TEAD1: variants seen among roughly 807,000 people sequenced by gnomAD.
The protein encoded by TEAD1 is TEA domain transcription factor 1, also known as transcriptional enhancer factor TEF-1.
A neutral mutation model predicts 54.9 loss-of-function variants in TEAD1; 9 were observed. The observed-to-expected ratio is 0.16, with a 90% CI of 0.10 to 0.29. The LOEUF (loss-of-function observed/expected upper bound fraction) is 0.29. Ranked by LOEUF, TEAD1 falls within the 10% of genes least tolerant of loss-of-function variation. TEAD1 has a pLI of 1.00. For missense variants in TEAD1, 387 were observed against 535.9 expected, an observed-to-expected ratio of 0.72 and a Z score of 2.74; for synonymous variants, 200 against 187.8, an observed-to-expected ratio of 1.07 and a Z score of -0.53.
At chr11:12,755,614 C>T (rs1031076332) in intron 2 of TEAD1, among the ~76,000 whole-genome samples, 39 of 152,240 alleles carry the variant, frequency 2.6e-4, no homozygotes, top group African/African-American at 8.4e-4. Flanking sequence ...ACAGTTGGGA[C>T]GTTTGCTCTC....
intron 3 of TEAD1, among the ~76,000 whole-genome samples, chr11:12,821,441 G>A (rs143665866): frequency 2.0e-5 from 3 of 152,266 alleles, no homozygotes; most frequent in African/African-American, 7.2e-5. Flanking sequence ...AAGCACTGTG[G>A]GGGAATATTT....
intron 2 of TEAD1, among the ~76,000 whole-genome samples, chr11:12,753,517 T>C (rs1944920688): frequency 6.6e-6 from 1 of 152,228 alleles, no homozygotes; most frequent in African/African-American, 2.4e-5. Flanking sequence ...TAACTAGGCA[T>C]GTTGAACACC....
At position 12,938,268 on chromosome 11, in the gene TEAD1, A is replaced by G. The variant is rs1949128300; in HGVS notation, c.*1046A>G. 1 of 152,628 alleles carries G rather than the reference A, an allele frequency of 6.6e-6. No individual in the cohort carries two copies. The highest frequency in any genetic ancestry group is 1.5e-5 in the Non-Finnish European group (1 of 68,038). 9.5% of individuals were successfully genotyped at this position (152,628 alleles called of 1,614,324 possible). A position where few individuals can be genotyped will look rare whatever the true frequency, so the allele number is the denominator to read the frequency against. On this transcript the variant is annotated 3_prime_UTR_variant, in exon 13 of 13. Transcript: ENST00000527636. Reference sequence around the variant, plus strand: ...TATACAGAATCTGTGGCTGGGAGAAAATTTCATCAAATAGACAAGTAAAAG... The same window carrying G: ...TATACAGAATCTGTGGCTGGGAGAAGATTTCATCAAATAGACAAGTAAAAG...
At chr11:12,888,374 T>G (rs1401117753) in intron 9 of TEAD1, among the ~76,000 whole-genome samples, 1 of 152,168 alleles carries the variant, frequency 6.6e-6, no homozygotes, top group African/African-American at 2.4e-5. Context: ...CTGGGCATGG[T>G]GGAGGGTACC....
intron 3 of TEAD1, among the ~76,000 whole-genome samples, chr11:12,845,126 G>T (rs1195564855): frequency 6.6e-6 from 1 of 151,670 alleles, no homozygotes; most frequent in Non-Finnish European, 1.5e-5. Context: ...TACCATGCCC[G>T]GCTAATTTTT....
chr11:12,743,301 T>A (rs1944682997), intron 2 of TEAD1, among the ~76,000 whole-genome samples: 1 of 152,184 alleles, frequency 6.6e-6, no homozygotes, highest in African/African-American at 2.4e-5. Context: ...TTATTAATAT[T>A]ACAGGTAAAC....
chr11:12,764,587 ACT>A, intron 3 of TEAD1, 153 bp downstream of exon 3: 1 of 900,468 alleles, frequency 1.1e-6, no homozygotes, highest in Non-Finnish European at 1.7e-6. Flanking sequence ...CTCACCCTAA[ACT>A]AAAAAGGAGA....
At chr11:12,808,027 A>G (rs1206839031) in intron 3 of TEAD1, among the ~76,000 whole-genome samples, 3 of 152,258 alleles carry the variant, frequency 2.0e-5, no homozygotes, top group Admixed American at 2.0e-4. Flanking sequence ...AAGAGGATGA[A>G]GGAAAAATGA....
intron 3 of TEAD1, among the ~76,000 whole-genome samples, chr11:12,841,562 C>T (rs1253467631): frequency 6.6e-6 from 1 of 152,226 alleles, no homozygotes; most frequent in Non-Finnish European, 1.5e-5. Flanking sequence ...CCTCCACATT[C>T]CCCCTCCAGG....
chr11:12,883,918 C>T (rs1169578433), intron 9 of TEAD1, among the ~76,000 whole-genome samples: 1 of 151,840 alleles, frequency 6.6e-6, no homozygotes, highest in Non-Finnish European at 1.5e-5. Context: ...TTGGTTGAAC[C>T]CAGGAGGCGG....
At chr11:12,730,416 GTTTTTTTTTTTTTT>G (rs59731479) in intron 2 of TEAD1, among the ~76,000 whole-genome samples, 45 of 60,236 alleles carry the variant, frequency 7.5e-4, no homozygotes, top group Non-Finnish European at 1.1e-3. Context: ...CCAGTTGAGT[GTTTTTTTTTTTTTT>G]TTTTTTTTTT....
chr11:12,851,899 A>T (rs1339535923), intron 3 of TEAD1, among the ~76,000 whole-genome samples: 2 of 152,160 alleles, frequency 1.3e-5, no homozygotes, highest in African/African-American at 2.4e-5. Context: ...AGCAGTCACT[A>T]TTCTAGGAGG....
chr11:12,745,916 A>G (rs1012919494), intron 2 of TEAD1, among the ~76,000 whole-genome samples: 2 of 152,226 alleles, frequency 1.3e-5, no homozygotes, highest in Non-Finnish European at 2.9e-5. Flanking sequence ...TGGGAAACCC[A>G]TTCCACCCAG....
intron 3 of TEAD1, among the ~76,000 whole-genome samples, chr11:12,807,268 C>T (rs1946194151): frequency 6.6e-6 from 1 of 152,092 alleles, no homozygotes; most frequent in South Asian, 2.1e-4. Context: ...TTTTCTTTGC[C>T]ACAGGGTATA....
At chr11:12,913,404 A>G (rs1036773359) in intron 10 of TEAD1, among the ~76,000 whole-genome samples, 1 of 152,240 alleles carries the variant, frequency 6.6e-6, no homozygotes, top group Non-Finnish European at 1.5e-5. Flanking sequence ...AAAATTTGGA[A>G]TGTATCCTTT....
At chr11:12,686,346 C>A (rs1943333456) in intron 2 of TEAD1, among the ~76,000 whole-genome samples, 1 of 152,118 alleles carries the variant, frequency 6.6e-6, no homozygotes, top group Non-Finnish European at 1.5e-5. Flanking sequence ...TTTCTGAGGC[C>A]ACAGCTACAA....
chr11:12,786,888 C>A (rs1041474268), intron 3 of TEAD1, among the ~76,000 whole-genome samples: 4 of 152,196 alleles, frequency 2.6e-5, no homozygotes, highest in Non-Finnish European at 4.4e-5. Flanking sequence ...ATAAGCCAGA[C>A]AGACATTTGC....
intron 9 of TEAD1, among the ~76,000 whole-genome samples, chr11:12,898,398 C>CTTTATTGAACATGAACACT (rs1554947499): frequency 6.9e-6 from 1 of 144,496 alleles, no homozygotes; most frequent in African/African-American, 2.5e-5. Flanking sequence ...AACATGAACA[C>CTTTATTGAACATGAACACT]TTTTTTTTTT....
At chr11:12,680,020 A>G (rs1311702929) in intron 2 of TEAD1, among the ~76,000 whole-genome samples, 1 of 143,694 alleles carries the variant, frequency 7.0e-6, no homozygotes, top group Non-Finnish European at 1.5e-5. Context: ...TTTTATTACC[A>G]TCTGCAAAAA....
Sources: gnomAD v4.1 joint callset for allele counts (sites outside exome capture counted in the v4.1 genomes callset) on GRCh38, gnomAD v4.1.1 for gene constraint, MANE v1.5 for transcripts, NCBI Gene and HGNC (gene_info 2026-07-23, HGNC 2026-07-21) for gene names.